ECPAS: variants seen among roughly 807,000 people sequenced by gnomAD.
ECPAS encodes the protein proteasome adapter and scaffold protein ECM29.
In ECPAS, 70 loss-of-function variants were observed where a neutral mutation model predicts 255.1. That is an observed-to-expected ratio of 0.27 (90% confidence interval 0.23 to 0.33). The LOEUF (loss-of-function observed/expected upper bound fraction) is 0.33. Ranked by LOEUF, ECPAS falls within the 10% of genes least tolerant of loss-of-function variation. The probability of loss-of-function intolerance (pLI) is 1.00; values close to 1 mark genes in which losing one functional copy is unlikely to be tolerated. For missense variants in ECPAS, 1,817 were observed against 2,206.4 expected (o/e 0.82, Z 3.54); for synonymous variants, 784 against 775.0 (o/e 1.01, Z -0.19).
chr9:111,468,139 G>A (rs766996736), intron 2 of ECPAS, among the ~76,000 whole-genome samples: 1 of 151,590 alleles, frequency 6.6e-6, no homozygotes, highest in Non-Finnish European at 1.5e-5. Flanking sequence ...ATCAGAACAA[G>A]ACTCAGCCTC....
chr9:111,421,849 T>C, intron 15 of ECPAS, 72 bp downstream of exon 15: 3 of 1,538,206 alleles, frequency 2.0e-6, no homozygotes, highest in South Asian at 2.5e-5. Flanking sequence ...AAAAGTTAAG[T>C]AGCAATTCAA....
chr9:111,390,245 C>G, intron 29 of ECPAS, 144 bp from the exon 30 acceptor site: 1 of 525,046 alleles, frequency 1.9e-6, no homozygotes, highest in Admixed American at 3.0e-5. Context: ...GGAGACAGAA[C>G]ACAAGTTAGT....
intron 24 of ECPAS, among the ~76,000 whole-genome samples, chr9:111,401,820 A>T (rs1012836282): frequency 1.3e-5 from 2 of 152,234 alleles, no homozygotes; most frequent in African/African-American, 2.4e-5. Context: ...GAAGAAAAAT[A>T]TGGCTCTATT....
intron 1 of ECPAS, 21 bp from the exon 2 acceptor site, chr9:111,473,021 A>G (rs1310859854): frequency 1.2e-6 from 1 of 820,422 alleles, no homozygotes; most frequent in Non-Finnish European, 1.6e-6. Context: ...GAACACCAAA[A>G]AAATACAATT....
chr9:111,392,667 C>T, intron 28 of ECPAS, 101 bp downstream of exon 28: 1 of 783,298 alleles, frequency 1.3e-6, no homozygotes, highest in Non-Finnish European at 2.0e-6. Context: ...GCTTCATAAA[C>T]CAAAACATGG....
intron 2 of ECPAS, among the ~76,000 whole-genome samples, chr9:111,456,890 T>G (rs769238308): frequency 6.6e-6 from 1 of 152,156 alleles, no homozygotes; most frequent in African/African-American, 2.4e-5. Context: ...AAGTATATGA[T>G]AACTGCATGT....
At chr9:111,448,175 T>A (rs774329169) in intron 3 of ECPAS, among the ~76,000 whole-genome samples, 4 of 152,112 alleles carry the variant, frequency 2.6e-5, no homozygotes, top group Non-Finnish European at 2.9e-5. Context: ...ATCAATAAAA[T>A]TTTTTCTTAA....
chr9:111,473,742 A>T (rs1288054759), intron 1 of ECPAS, among the ~76,000 whole-genome samples: 3 of 152,198 alleles, frequency 2.0e-5, no homozygotes, highest in Non-Finnish European at 2.9e-5. Context: ...CGAGGAGGGC[A>T]GATTGCTTGA....
intron 29 of ECPAS, among the ~76,000 whole-genome samples, 188 bp downstream of exon 29, chr9:111,391,568 T>C (rs1325250569): frequency 1.4e-5 from 2 of 146,594 alleles, no homozygotes; most frequent in African/African-American, 2.5e-5. Flanking sequence ...GCAACAAAAG[T>C]GAGGCTCCAT....
At position 111,416,257 on chromosome 9, in the gene ECPAS, A is replaced by G. The variant is rs1324682223; in HGVS notation, c.1764+15T>C. Reference sequence around the variant, plus strand: ...ACACTTACAAAAAGTAAATAGAAATATATGAAAGTTCTACCTCTCCAAAGG... The same window carrying G: ...ACACTTACAAAAAGTAAATAGAAATGTATGAAAGTTCTACCTCTCCAAAGG... On this transcript the variant is annotated intron_variant, in intron 18 of 49. Coordinates refer to ENST00000684092, the MANE Select transcript of ECPAS (RefSeq NM_001364929.1). The G allele has an allele frequency of 1.9e-6, 3 of 1,585,710 alleles. No homozygotes were observed. Among genetic ancestry groups the G allele is most frequent in the East Asian group, 2.2e-5 (1 of 44,744 alleles).
chr9:111,484,087 C>T (rs941833775), intron 1 of ECPAS, 29 bp downstream of exon 1: 17 of 1,267,114 alleles, frequency 1.3e-5, no homozygotes, highest in East Asian at 3.6e-5. Context: ...CAGGGCCAGT[C>T]CCCCGCGGCC....
intron 15 of ECPAS, among the ~76,000 whole-genome samples, chr9:111,421,675 G>A (rs1471789114): frequency 1.3e-5 from 2 of 152,024 alleles, no homozygotes; most frequent in African/African-American, 4.8e-5. Flanking sequence ...CTTCTAACTC[G>A]GAGGACATGG....
rs1295593535 is a variant in ECPAS at position 111,370,611 on chromosome 9, A to T, written c.4798T>A (p.Ser1600Thr). 1 of 1,610,704 alleles carries T rather than the reference A, an allele frequency of 6.2e-7. No individual in the cohort carries two copies. The highest frequency in any genetic ancestry group is 8.5e-7 in the Non-Finnish European group (1 of 1,178,404). Residue 1600 changes from serine (S) to threonine (T), a missense_variant, in exon 45 of 50, where the codon TCT becomes ACT. This residue lies in a region of ECPAS where 960 missense variants were observed against 1,179.0 expected (regional missense o/e 0.81). Transcript: ENST00000684092. ...TTTGTGCTGGGTTGATTGGGCACAG[A>T]CTTTTCCAGCTCTGCACTACAGGGT... is the stretch of plus-strand genomic sequence containing the variant. ...VTACSAELEK[S>T]VPNQPSTNEI...
chr9:111,484,300 G>C lies in ECPAS; in HGVS notation c.-267C>G. The stretch of plus-strand genomic sequence containing the variant: ...GAAATCCTCGAGGCGGGGCCGGAGC[G>C]CCCTTTTCCGAGGTCTGCGGCTGTC... On this transcript the variant is annotated 5_prime_UTR_variant, in exon 1 of 50. Transcript: ENST00000684092. 5 of 1,557,954 alleles carry C rather than the reference G, an allele frequency of 3.2e-6. No individual in the cohort carries two copies. The highest frequency in any genetic ancestry group is 4.3e-6 in the Non-Finnish European group (5 of 1,153,934).
intron 35 of ECPAS, among the ~76,000 whole-genome samples, chr9:111,381,320 G>C (rs1288673631): frequency 2.0e-5 from 3 of 152,164 alleles, no homozygotes; most frequent in Non-Finnish European, 4.4e-5. Flanking sequence ...CTGTTCAGTG[G>C]AGCAATCAGG....
At chr9:111,483,900 A>G (rs1225012905) in intron 1 of ECPAS, 4 of 598,096 alleles carry the variant, frequency 6.7e-6, no homozygotes, top group Non-Finnish European at 8.4e-6. Context: ...ATTTAGAAAG[A>G]GCTGAGCCAT....
chr9:111,421,449 GTA>G (rs1428754031), intron 15 of ECPAS, among the ~76,000 whole-genome samples: 4 of 142,068 alleles, frequency 2.8e-5, no homozygotes, highest in East Asian at 4.0e-4. Context: ...GTGTGTGTGT[GTA>G]TCTACAGATA....
rs2098216734 is a variant in ECPAS, at chr9:111,423,188, A to C, written c.1265+11T>G. On this transcript the variant is annotated intron_variant, in intron 13 of 49. Coordinates refer to ENST00000684092, the MANE Select transcript of ECPAS (RefSeq NM_001364929.1). ...AACACCATATCTCTCACTAAAAAAG[A>C]GTTTACTCACCTGGAGAGTTTTCCA... 6.5e-7 allele frequency: 1 copy of C among 1,543,608 alleles called. No individual in the cohort carries two copies. Among genetic ancestry groups the C allele is most frequent in the Admixed American group, 1.9e-5 (1 of 51,760 alleles).
intron 45 of ECPAS, among the ~76,000 whole-genome samples, chr9:111,369,742 T>TGG (rs869103373): frequency 4.0e-5 from 6 of 151,328 alleles, no homozygotes; most frequent in African/African-American, 1.5e-4. Context: ...CCCTTTTTTT[T>TGG]GGGGGGGGGA....
Sources: allele counts gnomAD v4.1 joint callset (sites outside exome capture counted in the v4.1 genomes callset), GRCh38; gene constraint gnomAD v4.1.1; regional missense constraint gnomAD v4.1.1; transcripts MANE v1.5; gene names NCBI Gene and HGNC (gene_info 2026-07-23, HGNC 2026-07-21).